Variants in CPEB3 observed in about 807,000 individuals in gnomAD.
The protein encoded by CPEB3 is cytoplasmic polyadenylation element binding protein 3, also known as cytoplasmic polyadenylation element-binding protein 3.
In CPEB3, 20 loss-of-function variants were observed where a neutral mutation model predicts 67.2. The observed-to-expected ratio is 0.30, with a 90% CI of 0.21 to 0.43. The LOEUF is 0.43. CPEB3 is among the 20% of genes least tolerant of loss of function. CPEB3 has a pLI of 1.00. For missense variants in CPEB3, 746 were observed against 968.6 expected, an observed-to-expected ratio of 0.77 and a Z score of 3.05; for synonymous variants, 376 against 393.1, an observed-to-expected ratio of 0.96 and a Z score of 0.51.
At chr10:92,135,015 A>G (rs1317169855) in intron 6 of CPEB3, among the ~76,000 whole-genome samples, 1 of 152,204 alleles carries the variant, frequency 6.6e-6, no homozygotes, top group Non-Finnish European at 1.5e-5. Context: ...AAATTAATTC[A>G]AGATGGATTA....
chr10:92,253,480 A>AAAAAAAAAAAG (rs1564910662), intron 1 of CPEB3, among the ~76,000 whole-genome samples: 1 of 150,126 alleles, frequency 6.7e-6, no homozygotes, highest in African/African-American at 2.5e-5. Flanking sequence ...AAAAAAAAAA[A>AAAAAAAAAAAG]AAAAGAAAAG....
intron 8 of CPEB3, among the ~76,000 whole-genome samples, chr10:92,085,201 A>G (rs1843321229): frequency 6.6e-6 from 1 of 152,204 alleles, no homozygotes; most frequent in African/African-American, 2.4e-5. Context: ...AGGTGAAAAT[A>G]GGTATATAGT....
chr10:92,093,676 T>A (rs913400862), intron 7 of CPEB3, among the ~76,000 whole-genome samples: 1 of 152,040 alleles, frequency 6.6e-6, no homozygotes, highest in Non-Finnish European at 1.5e-5. Context: ...TTAATTTTTG[T>A]ATTTTTAGTA....
intron 9 of CPEB3, among the ~76,000 whole-genome samples, chr10:92,075,458 AAC>A (rs946138629): frequency 4.6e-5 from 7 of 152,318 alleles, no homozygotes; most frequent in African/African-American, 1.7e-4. Context: ...TGTGTTCTAA[AAC>A]AGATAGTGAT....
At chr10:92,061,419 C>CAAAAAA (rs148327302) in intron 9 of CPEB3, among the ~76,000 whole-genome samples, 3 of 93,348 alleles carry the variant, frequency 3.2e-5, no homozygotes, top group African/African-American at 8.0e-5. Context: ...AATTCTGTCT[C>CAAAAAA]AAAAAAAAAA....
intron 7 of CPEB3, among the ~76,000 whole-genome samples, chr10:92,100,826 C>T (rs1044573969): frequency 9.9e-5 from 15 of 151,694 alleles, no homozygotes; most frequent in African/African-American, 3.1e-4. Flanking sequence ...CTCCTAACCT[C>T]GTGATCCACC....
At chr10:92,267,451 G>C (rs1853109280) in intron 1 of CPEB3, among the ~76,000 whole-genome samples, 1 of 152,200 alleles carries the variant, frequency 6.6e-6, no homozygotes, top group East Asian at 1.9e-4. Context: ...AGGTGTGAAA[G>C]GCAGTCAGCA....
At chr10:92,089,872 A>G (rs1843542923) in intron 8 of CPEB3, among the ~76,000 whole-genome samples, 1 of 152,246 alleles carries the variant, frequency 6.6e-6, no homozygotes, top group African/African-American at 2.4e-5. Context: ...ACAACTAAAT[A>G]TAATTCTTGT....
intron 9 of CPEB3, among the ~76,000 whole-genome samples, chr10:92,062,602 TC>T (rs1232851253): frequency 6.6e-6 from 1 of 152,336 alleles, no homozygotes; most frequent in Middle Eastern, 3.4e-3. Context: ...TGAAAAGCAT[TC>T]CCAAACCATT....
intron 6 of CPEB3, among the ~76,000 whole-genome samples, chr10:92,120,769 CG>C (rs1052560457): frequency 3.3e-5 from 5 of 151,856 alleles, no homozygotes; most frequent in African/African-American, 1.2e-4. Context: ...GGCATGATCT[CG>C]GCTCACTGCA....
intron 1 of CPEB3, among the ~76,000 whole-genome samples, chr10:92,244,145 G>A (rs182757289): frequency 5.9e-5 from 9 of 152,102 alleles, no homozygotes; most frequent in African/African-American, 9.6e-5. Flanking sequence ...TCAGGAGTTC[G>A]AGACCAGCCT....
At chr10:92,069,002 G>A (rs979257678) in intron 9 of CPEB3, among the ~76,000 whole-genome samples, 1 of 152,170 alleles carries the variant, frequency 6.6e-6, no homozygotes, top group East Asian at 1.9e-4. Flanking sequence ...GGACCACTAA[G>A]AGCAGCAAGA....
rs769093026 is a variant in CPEB3 at position 92,143,057 on chromosome 10, A to C, written c.1425T>G (p.Ala475=). Residue 475 remains alanine, a synonymous_variant, in exon 6 of 10, where the codon GCT becomes GCG. Coordinates refer to ENST00000265997, the MANE Select transcript of CPEB3 (RefSeq NM_014912.5). ...TAGGAGGAAAATAAGACTTGCTTTC[A>C]GCTTTGTGAGGCCAGTCTACTACGA... ...GPLVVDWPHK[A]ESKSYFPPKG... 2 of 1,613,652 alleles carry C rather than the reference A, an allele frequency of 1.2e-6. No homozygotes were observed. The highest frequency in any genetic ancestry group is 2.2e-5 in the South Asian group (2 of 91,054).
chr10:92,271,899 T>C (rs1853323478), intron 1 of CPEB3, among the ~76,000 whole-genome samples: 2 of 152,226 alleles, frequency 1.3e-5, no homozygotes, highest in South Asian at 4.1e-4. Flanking sequence ...CGTATTTTTA[T>C]CAACCCTTCT....
intron 3 of CPEB3, among the ~76,000 whole-genome samples, chr10:92,186,213 AAAAAAAAAAT>A (rs1470366896): frequency 6.9e-6 from 1 of 145,138 alleles, no homozygotes; most frequent in African/African-American, 2.5e-5. Flanking sequence ...CTCCACAAAA[AAAAAAAAAAT>A]ACAAAAAAAA....
At chr10:92,155,791 G>T (rs1464277683) in intron 4 of CPEB3, among the ~76,000 whole-genome samples, 1 of 152,110 alleles carries the variant, frequency 6.6e-6, no homozygotes, top group Non-Finnish European at 1.5e-5. Flanking sequence ...ATACAAAGAA[G>T]ATCGTGACTT....
intron 4 of CPEB3, among the ~76,000 whole-genome samples, chr10:92,169,097 TA>T (rs1847885915): frequency 2.0e-5 from 3 of 150,702 alleles, no homozygotes; most frequent in Admixed American, 6.6e-5. Context: ...GTGCCTGGCC[TA>T]AACCTCTTTC....
chr10:92,174,038 T>G (rs1367996056), intron 4 of CPEB3, among the ~76,000 whole-genome samples: 4 of 152,240 alleles, frequency 2.6e-5, no homozygotes, highest in African/African-American at 4.8e-5. Flanking sequence ...TTTACTATAC[T>G]TTTTTATGCT....
At chr10:92,259,713 G>C in intron 1 of CPEB3, among the ~76,000 whole-genome samples, 1 of 151,896 alleles carries the variant, frequency 6.6e-6, no homozygotes, top group East Asian at 1.9e-4. Context: ...AGAACTCTAA[G>C]CTTCTTGAGG....
Sources: allele counts gnomAD v4.1 joint callset (sites outside exome capture counted in the v4.1 genomes callset), GRCh38; gene constraint gnomAD v4.1.1; transcripts MANE v1.5; gene names NCBI Gene and HGNC (gene_info 2026-07-23, HGNC 2026-07-21).